Variants in MMEL1 observed in about 807,000 individuals in gnomAD.
MMEL1 encodes membrane metalloendopeptidase like 1.
MMEL1 carries 98 observed loss-of-function variants against 117.1 expected under a neutral mutation model. The ratio of observed to expected loss-of-function variants is 0.84; its 90% CI spans 0.71 to 0.99. MMEL1 has a LOEUF of 0.99. MMEL1 is among the 50% of genes least tolerant of loss of function. The pLI, the probability that MMEL1 is intolerant of heterozygous loss-of-function variation, is 0.00. For synonymous variants in MMEL1, 390 were observed against 415.1 expected, an observed-to-expected ratio of 0.94 and a Z score of 0.74; for missense variants, 1,014 against 1,049.1, an observed-to-expected ratio of 0.97 and a Z score of 0.46.
chr1:2,607,984 AGTTGC>A (rs1645056894), intron 6 of MMEL1, among the ~76,000 whole-genome samples: 1 of 152,026 alleles, frequency 6.6e-6, no homozygotes, highest in Admixed American at 6.5e-5. Flanking sequence ...GCCGGTCCTG[AGTTGC>A]GTTCCAGTTT....
At chr1:2,631,542 G>T (rs1638580319) in intron 1 of MMEL1, among the ~76,000 whole-genome samples, 1 of 152,102 alleles carries the variant, frequency 6.6e-6, no homozygotes, top group Non-Finnish European at 1.5e-5. Flanking sequence ...CCTGACCTCT[G>T]GCTGTGTGAG....
At chr1:2,623,593 C>T (rs1645323703) in intron 2 of MMEL1, among the ~76,000 whole-genome samples, 1 of 152,218 alleles carries the variant, frequency 6.6e-6, no homozygotes. Context: ...AAATTTTTCA[C>T]ACATTCTTAC....
At chr1:2,618,045 G>T (rs943871124) in intron 2 of MMEL1, among the ~76,000 whole-genome samples, 2 of 152,148 alleles carry the variant, frequency 1.3e-5, no homozygotes, top group Non-Finnish European at 2.9e-5. Flanking sequence ...TGAAGGTTTT[G>T]TTTTCCTAAA....
At position 2,591,359 on chromosome 1, in the gene MMEL1, C is replaced by T. The variant is rs759847809; in HGVS notation, c.2240+198G>A. 2.1e-5 allele frequency: 13 copies of T among 604,662 alleles called. No individual in the cohort carries two copies. In the Admixed American group the frequency reaches 3.2e-4, roughly 15 times the overall value. 37.5% of individuals were successfully genotyped at this position (604,662 alleles called of 1,614,324 possible). ...ATTCGCAGCCTGCGGTAGGCTCCCCCTTCCTAAACCCTTAAATGCCCTTAG... is the reference window on the plus strand; with the variant it reads ...ATTCGCAGCCTGCGGTAGGCTCCCCTTTCCTAAACCCTTAAATGCCCTTAG... On this transcript the variant is annotated intron_variant, in intron 23 of 23. Transcript: ENST00000378412.
Position 2,593,842 on chromosome 1 carries a change from G to T in MMEL1, c.1839C>A (p.His613Gln), listed in dbSNP as rs140167771. 2 of 1,611,818 alleles carry T rather than the reference G, an allele frequency of 1.2e-6. No individual in the cohort carries two copies. The highest frequency in any genetic ancestry group is 1.7e-6 in the Non-Finnish European group (2 of 1,178,762). ...TGTCGTCAAAGCCGTGCGTGATCTC[G>T]TGCCCGATCACCATCCCAATGCCTC... ...NFGGIGMVIG[H>Q]EITHGFDDNG... is the part of the protein sequence containing the mutation. The change falls in exon 19 of 24, where the codon CAC becomes CAA. Residue 613 changes from histidine to glutamine, a missense_variant. Transcript: ENST00000378412.
intron 19 of MMEL1, 116 bp downstream of exon 19, chr1:2,593,698 C>T: frequency 7.3e-7 from 1 of 1,376,810 alleles, no homozygotes; most frequent in South Asian, 1.7e-5. Flanking sequence ...GAGGACCTGG[C>T]CTCGGTGTCC....
At chr1:2,596,173 C>A in intron 14 of MMEL1, 66 bp from the exon 15 acceptor site, 1 of 1,452,414 alleles carries the variant, frequency 6.9e-7, no homozygotes, top group South Asian at 1.2e-5. Flanking sequence ...GCCTCAAGGG[C>A]TTTGGGGAGG....
chr1:2,611,040 G>A (rs1242521879), intron 4 of MMEL1, among the ~76,000 whole-genome samples: 6 of 152,340 alleles, frequency 3.9e-5, no homozygotes, highest in Admixed American at 1.3e-4. Flanking sequence ...TTCTTGGCAC[G>A]GGATGCTGTT....
intron 1 of MMEL1, among the ~76,000 whole-genome samples, chr1:2,631,279 G>C (rs1351068328): frequency 6.6e-6 from 1 of 152,164 alleles, no homozygotes; most frequent in Non-Finnish European, 1.5e-5. Flanking sequence ...AGGCAGGGCG[G>C]ATAATGTGGG....
rs567098161 is a variant in MMEL1, at chr1:2,608,743, G to T, written c.535+596C>A. ...ACTATACACAATACACATGTGACAT[G>T]CACGTAACACACATGTGCACACAAT... is the stretch of plus-strand genomic sequence containing the variant. On this transcript the variant is annotated intron_variant, in intron 6 of 23. Transcript: ENST00000378412. 2.0e-5 allele frequency among the ~76,000 whole-genome samples: 3 copies of T among 151,970 alleles called. No individual in the cohort carries two copies. In the East Asian group the frequency reaches 5.8e-4, roughly 29 times the overall value.
chr1:2,605,642 T>G lies in MMEL1; in HGVS notation c.751-19A>C, dbSNP rs748212646. On this transcript the variant is annotated intron_variant, in intron 8 of 23. Transcript: ENST00000378412. ...GGTCTATCTGGAAATACAGAAGGTGTGACCCTGGGCAAGGGGCCCGGGGTC... is the reference window on the plus strand; with the variant it reads ...GGTCTATCTGGAAATACAGAAGGTGGGACCCTGGGCAAGGGGCCCGGGGTC... 2.5e-6 allele frequency: 4 copies of G among 1,607,972 alleles called. No individual in the cohort carries two copies. The African/African-American group carries it at 5.3e-5, about 22-fold the overall frequency.
chr1:2,625,455 C>G (rs557037997), intron 2 of MMEL1, among the ~76,000 whole-genome samples: 1 of 152,190 alleles, frequency 6.6e-6, no homozygotes, highest in East Asian at 1.9e-4. Context: ...GGCTGTATGA[C>G]CCAGCAGATC....
rs1038201719 is a variant in MMEL1, at chr1:2,629,392, C to A, written c.93G>T (p.Leu31=). ...GGGCAGCGGTCACCAGCAGCAGCAG[C>A]AGCAGCAGCCCCCCCTCCAGGAACC... The part of the protein sequence containing the change: ...RPGFLEGGLL[L]LLLLVTAALV... Residue 31 remains leucine (L), a synonymous_variant, in exon 2 of 24, where the codon CTG becomes CTT. Coordinates refer to ENST00000378412, the MANE Select transcript of MMEL1 (RefSeq NM_033467.4). 4.1e-5 allele frequency: 63 copies of A among 1,546,312 alleles called. No homozygotes were observed. The highest frequency in any genetic ancestry group is 5.2e-5 in the Non-Finnish European group (60 of 1,146,366).
In MMEL1 at chr1:2,595,373, A is replaced by C; in HGVS notation, c.1501-14T>G. On this transcript the variant is annotated splice_polypyrimidine_tract_variant and intron_variant, in intron 15 of 23. Coordinates refer to ENST00000378412, the MANE Select transcript of MMEL1 (RefSeq NM_033467.4). This position sits in a 1 kb window ranked among gnomAD's most constrained non-coding sequence, Gnocchi z 4.8. Reference sequence around the variant, plus strand: ...GATGCTCATGGCCTGAGTGGGGAGGAGGGACTGGTCAGTGGGTGCCCCACT... The same window carrying C: ...GATGCTCATGGCCTGAGTGGGGAGGCGGGACTGGTCAGTGGGTGCCCCACT... 1.2e-6 allele frequency: 2 copies of C among 1,612,690 alleles called. No individual in the cohort carries two copies. The highest frequency in any genetic ancestry group is 1.7e-6 in the Non-Finnish European group (2 of 1,179,402).
intron 2 of MMEL1, among the ~76,000 whole-genome samples, chr1:2,624,748 C>A (rs1321927712): frequency 6.6e-6 from 1 of 152,186 alleles, no homozygotes; most frequent in Non-Finnish European, 1.5e-5. Context: ...CTACTTGTAT[C>A]GTCCATTATC....
Position 2,591,544 on chromosome 1 carries a change from A to G in MMEL1, c.2240+13T>C, listed in dbSNP as rs190477168. On this transcript the variant is annotated intron_variant, in intron 23 of 23. Coordinates refer to ENST00000378412, the MANE Select transcript of MMEL1 (RefSeq NM_033467.4). ...TGTGGGTGGCAAGGGGGTTGTGAGC[A>G]TGGGAGACTTGCCTGTACTTCAGGG... 8.1e-5 allele frequency: 130 copies of G among 1,612,492 alleles called. No homozygotes were observed. In the African/African-American group the frequency reaches 1.6e-3, roughly 20 times the overall value.
Position 2,595,276 on chromosome 1 carries a change from A to G in MMEL1, c.1584T>C (p.Asn528=), listed in dbSNP as rs754671576. Reference sequence around the variant, plus strand: ...TTTAGGGCTGGGGTTGGGGGCGCACATTGGAGTACTCCTCGTCCAGGCGCC... The same window carrying G: ...TTTAGGGCTGGGGTTGGGGGCGCACGTTGGAGTACTCCTCGTCCAGGCGCC... ...MNRRLDEEYS[N]LNFSEDLYFE... The change falls in exon 16 of 24, where the codon AAT becomes AAC. Residue 528 remains asparagine, a splice_region_variant and synonymous_variant. Coordinates refer to ENST00000378412, the MANE Select transcript of MMEL1 (RefSeq NM_033467.4). This position sits in a 1 kb window ranked among gnomAD's most constrained non-coding sequence, Gnocchi z 4.8. 1 of 1,613,356 alleles carries G rather than the reference A, an allele frequency of 6.2e-7. No individual in the cohort carries two copies. The highest frequency in any genetic ancestry group is 8.5e-7 in the Non-Finnish European group (1 of 1,179,828).
chr1:2,623,131 T>C (rs1645315683), intron 2 of MMEL1, among the ~76,000 whole-genome samples: 1 of 150,746 alleles, frequency 6.6e-6, no homozygotes, highest in Non-Finnish European at 1.5e-5. Context: ...ATCACGCCAC[T>C]GCACTCCAGC....
intron 2 of MMEL1, among the ~76,000 whole-genome samples, chr1:2,619,188 A>C (rs1645251797): frequency 6.6e-6 from 1 of 152,146 alleles, no homozygotes. Flanking sequence ...TAGGAGGATG[A>C]AAGTTACATG....
Sources: allele counts gnomAD v4.1 joint callset (sites outside exome capture counted in the v4.1 genomes callset), GRCh38; gene constraint gnomAD v4.1.1; non-coding constraint Gnocchi (gnomAD v3.1); transcripts MANE v1.5; gene names NCBI Gene and HGNC (gene_info 2026-07-23, HGNC 2026-07-21).